EDN2: variants seen among roughly 807,000 people sequenced by gnomAD.
EDN2 encodes endothelin-2.
Under a neutral mutation model 19.9 loss-of-function variants are expected in EDN2, and 10 were observed. The observed-to-expected ratio is 0.50, with a 90% CI of 0.31 to 0.85. The LOEUF (loss-of-function observed/expected upper bound fraction) is 0.85, where lower values mean the gene tolerates loss of function less well. EDN2 is among the 40% of genes least tolerant of loss of function. The pLI is 0.05. For synonymous variants in EDN2, 84 were observed against 94.9 expected (o/e 0.89, Z 0.67); for missense variants, 222 against 239.3 (o/e 0.93, Z 0.48).
intron 4 of EDN2, 95 bp from the exon 5 acceptor site, chr1:41,479,597 C>T (rs1644230135): frequency 8.9e-7 from 1 of 1,122,928 alleles, no homozygotes; most frequent in Non-Finnish European, 1.3e-6. Flanking sequence ...ACAGCCCTTG[C>T]CCAGATCCTG....
chr1:41,479,617 C>T lies in EDN2; in HGVS notation c.444-115G>A, dbSNP rs557480271. ...CCTTGCCCAGATCCTGGGGTCACAG[C>T]GGCCCTGGGGTCAGACAGTGACCAC... On this transcript the variant is annotated intron_variant, in intron 4 of 4. Transcript: ENST00000372587. 2.1e-4 allele frequency: 188 copies of T among 884,598 alleles called. 1 individual carries two copies. In the African/African-American group the frequency reaches 2.3e-3, roughly 11 times the overall value. 54.8% of individuals were successfully genotyped at this position (884,598 alleles called of 1,614,324 possible). A position where few individuals can be genotyped will look rare whatever the true frequency, so the allele number is the denominator to read the frequency against.
At chr1:41,480,274 C>T (rs1211789684) in intron 4 of EDN2, among the ~76,000 whole-genome samples, 1 of 152,184 alleles carries the variant, frequency 6.6e-6, no homozygotes, top group Non-Finnish European at 1.5e-5. Context: ...TTTCTGCCGC[C>T]CCCAAAAGGT....
At chr1:41,484,312 G>A (rs1301599218) in intron 1 of EDN2, 109 bp from the exon 2 acceptor site, 1 of 1,415,556 alleles carries the variant, frequency 7.1e-7, no homozygotes, top group Non-Finnish European at 9.5e-7. Flanking sequence ...GAGGGAGTTG[G>A]CACTCTTGCT....
At chr1:41,479,951 G>A (rs1035754765) in intron 4 of EDN2, among the ~76,000 whole-genome samples, 3 of 152,166 alleles carry the variant, frequency 2.0e-5, no homozygotes, top group Non-Finnish European at 2.9e-5. Context: ...AGGGCACCCC[G>A]CTGCCCTTTG....
In EDN2 at chr1:41,483,934, C is replaced by T. The variant is rs1025765640; in HGVS notation, c.221+113G>A. On this transcript the variant is annotated intron_variant, in intron 2 of 4. Transcript: ENST00000372587. Reference sequence around the variant, plus strand: ...TATTGATATTAGCCAGTGCCTCCATCTGGAGGCCCAGGGAGAGATGGAATG... The same window carrying T: ...TATTGATATTAGCCAGTGCCTCCATTTGGAGGCCCAGGGAGAGATGGAATG... The T allele has an allele frequency of 9.5e-6, 11 of 1,163,534 alleles. No individual in the cohort carries two copies. In the African/African-American group the frequency reaches 1.7e-4, roughly 18 times the overall value. The allele number at this position is 1,163,534 out of a possible 1,614,324, so 72.1% of individuals were successfully genotyped here.
intron 1 of EDN2, 53 bp downstream of exon 1, chr1:41,484,485 G>C (rs544744218): frequency 1.3e-6 from 2 of 1,547,932 alleles, no homozygotes; most frequent in African/African-American, 2.7e-5. Flanking sequence ...GAGGGAGACA[G>C]AGATAGGCAG....
In EDN2 at chr1:41,479,392, T is replaced by A; in HGVS notation, c.*17A>T. On this transcript the variant is annotated 3_prime_UTR_variant, in exon 5 of 5. Coordinates refer to ENST00000372587, the MANE Select transcript of EDN2 (RefSeq NM_001956.5). ...TCCCCGCGGGCTTCCTTCCCAATGTTCCTCCAGCTCACGACACTATCTCTT... is the reference window on the plus strand; with the variant it reads ...TCCCCGCGGGCTTCCTTCCCAATGTACCTCCAGCTCACGACACTATCTCTT... 6.2e-7 allele frequency: 1 copy of A among 1,607,220 alleles called. No homozygotes were observed. The highest frequency in any genetic ancestry group is 8.5e-7 in the Non-Finnish European group (1 of 1,173,690).
chr1:41,482,808 A>G, intron 2 of EDN2: 1 of 477,340 alleles, frequency 2.1e-6, no homozygotes, highest in Non-Finnish European at 3.4e-6. Flanking sequence ...AGGCTACTCC[A>G]CAAGGGTCCT....
chr1:41,479,354 C>T lies in EDN2; in HGVS notation c.*55G>A, dbSNP rs866986676. 1.7e-5 allele frequency: 25 copies of T among 1,458,754 alleles called. 1 individual carries two copies. The Middle Eastern group carries it at 2.9e-3, about 171-fold the overall frequency. The allele number at this position is 1,458,754 out of a possible 1,614,324, so 90.4% of individuals were successfully genotyped here. A position where few individuals can be genotyped will look rare whatever the true frequency, so the allele number is the denominator to read the frequency against. ...GAGAGTCCACAAGCCCTGGCCACTT[C>T]TCTCCTCCTCTCTCCCCGCGGGCTT... is the stretch of plus-strand genomic sequence containing the variant. On this transcript the variant is annotated 3_prime_UTR_variant, in exon 5 of 5. Transcript: ENST00000372587.
At chr1:41,483,373 T>C (rs911376205) in intron 2 of EDN2, among the ~76,000 whole-genome samples, 2 of 152,218 alleles carry the variant, frequency 1.3e-5, no homozygotes, top group African/African-American at 4.8e-5. Context: ...CGTGCAGGGC[T>C]TCTCTTGCCT....
At chr1:41,480,611 T>C (rs755140148) in intron 4 of EDN2, 24 of 421,162 alleles carry the variant, frequency 5.7e-5, no homozygotes, top group Admixed American at 1.2e-4. Context: ...ACAGCCACTC[T>C]GCTGCCCGGC....
At position 41,484,196 on chromosome 1, in the gene EDN2, G is replaced by A; in HGVS notation, c.72C>T (p.Gly24=). Residue 24 remains glycine (G), a synonymous_variant, in exon 2 of 5, where the codon GGC becomes GGT. Coordinates refer to ENST00000372587, the MANE Select transcript of EDN2 (RefSeq NM_001956.5). ...ALLVALHEGK[G]QAAATLEQPA... Reference sequence around the variant, plus strand: ...GCTGCTCCAGGGTGGCAGCAGCCTGGCCCTTCCCTGCATGCACAGGAGGGA... The same window carrying A: ...GCTGCTCCAGGGTGGCAGCAGCCTGACCCTTCCCTGCATGCACAGGAGGGA... 6.2e-7 allele frequency: 1 copy of A among 1,611,692 alleles called. No homozygotes were observed. Among genetic ancestry groups the A allele is most frequent in the Non-Finnish European group, 8.5e-7 (1 of 1,179,658 alleles).
rs1644277795 is a variant in EDN2 at position 41,484,655 on chromosome 1, G to A, written c.-54C>T. On this transcript the variant is annotated 5_prime_UTR_variant, in exon 1 of 5. It adds an upstream start codon to the 5' untranslated region. Coordinates refer to ENST00000372587, the MANE Select transcript of EDN2 (RefSeq NM_001956.5). ...GGAGCAGGGAGTGCCTGTTGCCAGC[G>A]TCCTGCTATTAAGCTGAGCAGATAG... 1.9e-6 allele frequency: 3 copies of A among 1,542,192 alleles called. No individual in the cohort carries two copies. Among genetic ancestry groups the A allele is most frequent in the Admixed American group, 2.0e-5 (1 of 50,858 alleles).
rs770321437 is a variant in EDN2 at position 41,484,069 on chromosome 1, T to C, written c.199A>G (p.Ile67Val). The stretch of plus-strand genomic sequence containing the variant: ...CACTCAGGAGTGTTCACCCAGATGA[T>C]GTCCAAGTGGCAGAAGTAGACGCAC... ...KECVYFCHLD[I>V]IWVNTPEQTA... The change falls in exon 2 of 5, where the codon ATC becomes GTC. Residue 67 changes from isoleucine (I) to valine (V), a missense_variant. Coordinates refer to ENST00000372587, the MANE Select transcript of EDN2 (RefSeq NM_001956.5). 2 of 1,611,056 alleles carry C rather than the reference T, an allele frequency of 1.2e-6. No homozygotes were observed. Among genetic ancestry groups the C allele is most frequent in the African/African-American group, 1.3e-5 (1 of 74,934 alleles).
Position 41,484,604 on chromosome 1 carries a change from C to CG in EDN2, c.-4dup. 1 of 1,556,552 alleles carries CG rather than the reference C, an allele frequency of 6.4e-7. No homozygotes were observed. Among genetic ancestry groups the CG allele is most frequent in the Non-Finnish European group, 8.7e-7 (1 of 1,149,862 alleles). On this transcript the variant is annotated 5_prime_UTR_variant, in exon 1 of 5. Coordinates refer to ENST00000372587, the MANE Select transcript of EDN2 (RefSeq NM_001956.5). The stretch of plus-strand genomic sequence containing the variant: ...CAGGTGGTAGGCACGGAGACCATAG[C>CG]GGCGGTGGAGCGCGCAGGCTGGACT...
chr1:41,481,542 A>AT (rs369964181), intron 3 of EDN2, among the ~76,000 whole-genome samples: 124,050 of 144,468 alleles, frequency 0.86, 53,579 homozygotes, highest in East Asian at 0.95. Context: ...GGAGCTTGGG[A>AT]TTTTTTTTTT....
chr1:41,481,549 T>TC (rs1244856000), intron 3 of EDN2, among the ~76,000 whole-genome samples: 5 of 150,838 alleles, frequency 3.3e-5, no homozygotes, highest in African/African-American at 1.2e-4. Context: ...GGGATTTTTT[T>TC]TTTTTTTGAG....
intron 2 of EDN2, chr1:41,483,712 A>G (rs553009617): frequency 1.4e-3 from 306 of 219,946 alleles, no homozygotes; most frequent in African/African-American, 6.6e-3. Flanking sequence ...GAGCTCCGGC[A>G]TTCCCCAACC....
chr1:41,483,209 G>A (rs1644263313), intron 2 of EDN2: 1 of 152,356 alleles, frequency 6.6e-6, no homozygotes, highest in Non-Finnish European at 1.5e-5. Flanking sequence ...CAGGGGCCCT[G>A]TGGCTGGCTA....
Sources: allele counts gnomAD v4.1 joint callset (sites outside exome capture counted in the v4.1 genomes callset), GRCh38; gene constraint gnomAD v4.1.1; transcripts MANE v1.5; gene names NCBI Gene and HGNC (gene_info 2026-07-23, HGNC 2026-07-21).